EHBP1: variants seen among roughly 807,000 people sequenced by gnomAD.
EHBP1 encodes the protein EH domain-binding protein 1.
Under a neutral mutation model 144.0 loss-of-function variants are expected in EHBP1, and 55 were observed. The observed-to-expected ratio is 0.38, with a 90% CI of 0.31 to 0.48. EHBP1 has a LOEUF of 0.48. Ranked by LOEUF, EHBP1 falls within the 20% of genes least tolerant of loss-of-function variation. EHBP1 has a pLI of 0.98. For synonymous variants in EHBP1, 469 were observed against 472.7 expected, an observed-to-expected ratio of 0.99 and a Z score of 0.10; for missense variants, 1,200 against 1,364.2, an observed-to-expected ratio of 0.88 and a Z score of 1.90.
At chr2:63,039,058 G>A (rs1260464276) in intron 21 of EHBP1, among the ~76,000 whole-genome samples, 4 of 152,114 alleles carry the variant, frequency 2.6e-5, no homozygotes, top group Admixed American at 6.6e-5. Context: ...GATTCAGTAA[G>A]CTTATATGTC....
Position 62,898,520 on chromosome 2 carries a change from G to T in EHBP1, c.1185+23988G>T, listed in dbSNP as rs148979610. 2.0e-5 allele frequency among the ~76,000 whole-genome samples: 3 copies of T among 152,272 alleles called. No homozygotes were observed. In the East Asian group the frequency reaches 5.8e-4, roughly 29 times the overall value. On this transcript the variant is annotated intron_variant, in intron 10 of 22. Coordinates refer to ENST00000431489, the MANE Select transcript of EHBP1 (RefSeq NM_001142616.3). Reference sequence around the variant, plus strand: ...ATTTCTCCAGTTTTCTAACAACTCAGTCCCTCATTTCATTCAAATCTCTTC... The same window carrying T: ...ATTTCTCCAGTTTTCTAACAACTCATTCCCTCATTTCATTCAAATCTCTTC...
intron 2 of EHBP1, among the ~76,000 whole-genome samples, chr2:62,716,555 C>T (rs530343915): frequency 8.5e-4 from 130 of 152,166 alleles, no homozygotes; most frequent in African/African-American, 3.1e-3. Flanking sequence ...TGAATAATGG[C>T]AATACACATG....
At chr2:62,877,801 A>G (rs180903450) in intron 10 of EHBP1, among the ~76,000 whole-genome samples, 3 of 152,352 alleles carry the variant, frequency 2.0e-5, no homozygotes, top group South Asian at 4.1e-4. Context: ...AAAATACAAC[A>G]TACCAGAATC....
At chr2:62,770,442 C>T (rs970014718) in intron 4 of EHBP1, among the ~76,000 whole-genome samples, 6 of 152,120 alleles carry the variant, frequency 3.9e-5, no homozygotes, top group African/African-American at 1.2e-4. Context: ...TAGAGGAATG[C>T]AAATCAAAAT....
chr2:62,856,353 AGGTGCC>A (rs2049055020), intron 7 of EHBP1, among the ~76,000 whole-genome samples: 1 of 152,206 alleles, frequency 6.6e-6, no homozygotes, highest in South Asian at 2.1e-4. Flanking sequence ...CCAAGCTTCC[AGGTGCC>A]ACCACGTTCC....
At chr2:62,807,046 C>T (rs1174695424) in intron 5 of EHBP1, among the ~76,000 whole-genome samples, 1 of 152,174 alleles carries the variant, frequency 6.6e-6, no homozygotes, top group Non-Finnish European at 1.5e-5. Flanking sequence ...CCTGCAAATA[C>T]TGTGTTTTCA....
chr2:62,750,547 G>A (rs1238856928), intron 3 of EHBP1, among the ~76,000 whole-genome samples: 2 of 152,118 alleles, frequency 1.3e-5, no homozygotes, highest in African/African-American at 2.4e-5. Context: ...TGATGGGATG[G>A]CATTGAATCT....
chr2:62,694,915 A>T (rs1179714095), intron 1 of EHBP1, among the ~76,000 whole-genome samples: 1 of 152,202 alleles, frequency 6.6e-6, no homozygotes, highest in Non-Finnish European at 1.5e-5. Context: ...TGTTTATGTC[A>T]CACATATATG....
chr2:62,757,144 AT>A (rs2040360973), intron 3 of EHBP1, among the ~76,000 whole-genome samples: 2 of 152,056 alleles, frequency 1.3e-5, no homozygotes, highest in Admixed American at 1.3e-4. Context: ...ATATATATAT[AT>A]TTTAAGACAG....
At chr2:62,993,437 T>A (rs1295615314) in intron 16 of EHBP1, 93 bp from the exon 17 acceptor site, 2 of 1,159,498 alleles carry the variant, frequency 1.7e-6, no homozygotes, top group East Asian at 2.7e-5. Flanking sequence ...TCTAAATCAG[T>A]GTTATCTTAA....
chr2:62,993,461 G>T, intron 16 of EHBP1, 69 bp from the exon 17 acceptor site: 1 of 1,307,400 alleles, frequency 7.6e-7, no homozygotes, highest in Non-Finnish European at 1.0e-6. Flanking sequence ...AGTAAAAATT[G>T]CCTTACTAAT....
chr2:62,855,050 G>A (rs774813792), intron 7 of EHBP1, among the ~76,000 whole-genome samples: 1 of 152,242 alleles, frequency 6.6e-6, no homozygotes, highest in Non-Finnish European at 1.5e-5. Flanking sequence ...GCAGGGAGCA[G>A]GCAGGAGCCG....
At chr2:62,674,153 G>A in intron 1 of EHBP1, 1 of 470,888 alleles carries the variant, frequency 2.1e-6, no homozygotes, top group Non-Finnish European at 4.4e-6. Flanking sequence ...CTTTTCTTTG[G>A]ATCTTACTAG....
At chr2:62,689,698 G>T (rs1019706097) in intron 1 of EHBP1, among the ~76,000 whole-genome samples, 1 of 152,054 alleles carries the variant, frequency 6.6e-6, no homozygotes, top group African/African-American at 2.4e-5. Context: ...TAAAAATTGT[G>T]TCTATTTTCA....
intron 5 of EHBP1, among the ~76,000 whole-genome samples, chr2:62,798,887 C>T (rs2043758035): frequency 6.6e-6 from 1 of 151,398 alleles, no homozygotes; most frequent in Non-Finnish European, 1.5e-5. Context: ...GCCTGTAGTC[C>T]CAGCTACTCG....
At chr2:62,749,363 A>G (rs1316581340) in intron 3 of EHBP1, among the ~76,000 whole-genome samples, 4 of 152,016 alleles carry the variant, frequency 2.6e-5, no homozygotes, top group Admixed American at 6.5e-5. Context: ...TATGTGCCAC[A>G]TTTTCTTAAT....
At chr2:62,884,260 A>G (rs753161955) in intron 10 of EHBP1, among the ~76,000 whole-genome samples, 1 of 152,210 alleles carries the variant, frequency 6.6e-6, no homozygotes, top group Admixed American at 6.5e-5. Context: ...TTGAATTTTC[A>G]AACCTTATAC....
chr2:62,942,268 T>C (rs1488546740), intron 10 of EHBP1, among the ~76,000 whole-genome samples: 1 of 152,124 alleles, frequency 6.6e-6, no homozygotes, highest in Admixed American at 6.5e-5. Flanking sequence ...TTAAAACTAA[T>C]GATAATTTTA....
At chr2:62,740,883 T>G (rs950285021) in intron 2 of EHBP1, among the ~76,000 whole-genome samples, 5 of 152,198 alleles carry the variant, frequency 3.3e-5, no homozygotes, top group Non-Finnish European at 7.3e-5. Context: ...GTCTCAGCAC[T>G]TTGAAATGTA....
Sources: allele counts gnomAD v4.1 joint callset (sites outside exome capture counted in the v4.1 genomes callset), GRCh38; gene constraint gnomAD v4.1.1; transcripts MANE v1.5; gene names NCBI Gene and HGNC (gene_info 2026-07-23, HGNC 2026-07-21).